NSMCE1: variants seen among roughly 807,000 people sequenced by gnomAD.
NSMCE1 encodes NSE1 component of SMC5/6 complex.
NSMCE1 carries 18 observed loss-of-function variants against 29.6 expected under a neutral mutation model. The observed-to-expected ratio is 0.61, with a 90% CI of 0.42 to 0.90. NSMCE1 has a LOEUF of 0.90. Ranked by LOEUF, NSMCE1 falls within the 40% of genes least tolerant of loss-of-function variation. The pLI, the probability that NSMCE1 is intolerant of heterozygous loss-of-function variation, is 0.00. For missense variants in NSMCE1, 314 were observed against 343.6 expected, an observed-to-expected ratio of 0.91 and a Z score of 0.68; for synonymous variants, 124 against 133.4, an observed-to-expected ratio of 0.93 and a Z score of 0.49.
In NSMCE1 at chr16:27,226,855, G is replaced by A; in HGVS notation, c.484-19C>T. On this transcript the variant is annotated intron_variant, in intron 5 of 7. Transcript: ENST00000361439. ...CTTCCTTCTGCAGGGACACACAGGA[G>A]GTGGCCACCCTCAGCCAGGCCCTCT... 1 of 1,525,342 alleles carries A rather than the reference G, an allele frequency of 6.6e-7. No individual in the cohort carries two copies. The highest frequency in any genetic ancestry group is 9.1e-7 in the Non-Finnish European group (1 of 1,100,022). The allele number at this position is 1,525,342 out of a possible 1,614,324, so 94.5% of individuals were successfully genotyped here. A position where few individuals can be genotyped will look rare whatever the true frequency, so the allele number is the denominator to read the frequency against.
At chr16:27,229,382 A>T (rs1160106031) in intron 5 of NSMCE1, among the ~76,000 whole-genome samples, 2 of 152,186 alleles carry the variant, frequency 1.3e-5, no homozygotes. Flanking sequence ...CCTCCAGACC[A>T]TGGCCCCATG....
At chr16:27,230,196 C>T (rs2083748273) in intron 5 of NSMCE1, among the ~76,000 whole-genome samples, 2 of 152,220 alleles carry the variant, frequency 1.3e-5, no homozygotes, top group African/African-American at 2.4e-5. Context: ...TTCTCCTGGA[C>T]GGACAGCTGC....
In NSMCE1 at chr16:27,232,173, A is replaced by G. The variant is rs2083769375; in HGVS notation, c.483+828T>C. Among the ~76,000 whole-genome samples, 2 of 152,196 alleles carry G rather than the reference A, an allele frequency of 1.3e-5. No individual in the cohort carries two copies. The highest frequency in any genetic ancestry group is 2.9e-5 in the Non-Finnish European group (2 of 68,028). On this transcript the variant is annotated intron_variant, in intron 5 of 7. Transcript: ENST00000361439. This position sits in a 1 kb window ranked among gnomAD's most constrained non-coding sequence, Gnocchi z 4.5. ...GCAGCAGCCTCTGGCCACGAGTCCG[A>G]CCACCAAGTGAGGAAGCGGGGACCC...
intron 2 of NSMCE1, among the ~76,000 whole-genome samples, chr16:27,244,302 G>T (rs78629678): frequency 0.03 from 4,520 of 152,312 alleles, 99 homozygotes; most frequent in Non-Finnish European, 0.044. Flanking sequence ...GTATGAAGGC[G>T]GCTGACTGCA....
At chr16:27,251,159 A>ATATATATATAT (rs2084024162) in intron 2 of NSMCE1, among the ~76,000 whole-genome samples, 1 of 65,780 alleles carries the variant, frequency 1.5e-5, no homozygotes, top group South Asian at 5.2e-4. Context: ...AATTATTTAA[A>ATATATATATAT]ATATATATAT....
At chr16:27,233,276 G>A (rs1208055530) in intron 4 of NSMCE1, 129 bp from the exon 5 acceptor site, 2 of 717,062 alleles carry the variant, frequency 2.8e-6, no homozygotes, top group East Asian at 5.4e-5. Flanking sequence ...CACTGGCATG[G>A]TATTCCGGGA....
At chr16:27,267,762 CTT>C in intron 1 of NSMCE1, among the ~76,000 whole-genome samples, 1 of 150,448 alleles carries the variant, frequency 6.6e-6, no homozygotes, top group Admixed American at 6.6e-5. Flanking sequence ...GAGTTTCGCT[CTT>C]GTTGCCCAAG....
chr16:27,227,623 C>T (rs935954127), intron 5 of NSMCE1, among the ~76,000 whole-genome samples: 1 of 152,216 alleles, frequency 6.6e-6, no homozygotes, highest in Non-Finnish European at 1.5e-5. Flanking sequence ...CAGGCTGATT[C>T]CAGTTTCTCC....
chr16:27,267,809 A>G (rs1475959823), intron 1 of NSMCE1, among the ~76,000 whole-genome samples: 1 of 151,498 alleles, frequency 6.6e-6, no homozygotes, highest in Non-Finnish European at 1.5e-5. Context: ...ATTCACTGCA[A>G]CCTCCGCCTC....
At chr16:27,245,703 G>A (rs1009020053) in intron 2 of NSMCE1, among the ~76,000 whole-genome samples, 4 of 152,140 alleles carry the variant, frequency 2.6e-5, no homozygotes, top group East Asian at 1.9e-4. Context: ...GAAATTCATC[G>A]AGTCACACGT....
In NSMCE1 at chr16:27,232,879, A is replaced by G; in HGVS notation, c.483+122T>C. ...GGTCACTGCTGGAATGCATGAAAGC[A>G]GATAAGGGATCCGAGAAGGCCGGGC... On this transcript the variant is annotated intron_variant, in intron 5 of 7. Coordinates refer to ENST00000361439, the MANE Select transcript of NSMCE1 (RefSeq NM_145080.4). The surrounding 1 kb of genome is among the most constrained non-coding windows in gnomAD (Gnocchi z 4.5). 1.0e-6 allele frequency: 1 copy of G among 985,074 alleles called. No homozygotes were observed. The highest frequency in any genetic ancestry group is 1.5e-6 in the Non-Finnish European group (1 of 656,386). The allele number at this position is 985,074 out of a possible 1,614,324, so 61.0% of individuals were successfully genotyped here.
At chr16:27,231,393 T>G (rs889270079) in intron 5 of NSMCE1, among the ~76,000 whole-genome samples, 39 of 152,064 alleles carry the variant, frequency 2.6e-4, no homozygotes, top group Non-Finnish European at 5.1e-4. Flanking sequence ...TCCCAGCACT[T>G]TGGGAGGCTG....
chr16:27,256,216 T>C (rs1484349078), intron 2 of NSMCE1, among the ~76,000 whole-genome samples: 2 of 152,164 alleles, frequency 1.3e-5, no homozygotes, highest in African/African-American at 2.4e-5. Context: ...AAAGGCAGAA[T>C]AAGGCAGAAT....
At position 27,235,168 on chromosome 16, in the gene NSMCE1, G is replaced by A. The variant is rs147449131; in HGVS notation, c.258+10C>T. ...AAAAATGCCACTAGAGGGCTCTGCC[G>A]GGCACTCACCAACGCATAAATGGGT... On this transcript the variant is annotated intron_variant, in intron 3 of 7. Coordinates refer to ENST00000361439, the MANE Select transcript of NSMCE1 (RefSeq NM_145080.4). 1,831 of 1,612,924 alleles carry A rather than the reference G, an allele frequency of 1.1e-3. 2 individuals are homozygous for A. The highest frequency in any genetic ancestry group is 2.1e-3 in the Middle Eastern group (13 of 6,054).
chr16:27,233,680 C>T (rs898666104), intron 4 of NSMCE1, among the ~76,000 whole-genome samples: 4 of 152,276 alleles, frequency 2.6e-5, no homozygotes, highest in Admixed American at 2.0e-4. Context: ...CTGAGAACCA[C>T]TCTTAGCCAT....
chr16:27,260,516 A>G (rs1227974254), intron 1 of NSMCE1, among the ~76,000 whole-genome samples: 1 of 152,246 alleles, frequency 6.6e-6, no homozygotes, highest in Admixed American at 6.5e-5. Flanking sequence ...ATAACAATGA[A>G]TAAAAATAGA....
chr16:27,267,704 G>A (rs977014723), intron 1 of NSMCE1, among the ~76,000 whole-genome samples: 3 of 151,202 alleles, frequency 2.0e-5, no homozygotes, highest in African/African-American at 7.3e-5. Flanking sequence ...GCTATTTATG[G>A]TTATTTATCC....
intron 2 of NSMCE1, among the ~76,000 whole-genome samples, chr16:27,251,670 G>A (rs552173088): frequency 6.6e-6 from 1 of 152,330 alleles, no homozygotes; most frequent in South Asian, 2.1e-4. Context: ...TTACAGAAGA[G>A]TTTGGGTAGA....
In NSMCE1 at chr16:27,257,455, T is replaced by A; in HGVS notation, c.116A>T (p.His39Leu). The A allele has an allele frequency of 1.2e-6, 2 of 1,613,238 alleles. 1 individual carries two copies. The highest frequency in any genetic ancestry group is 2.2e-5 in the South Asian group (2 of 90,964). ...CTCACGGTCATGGACCTTGTAGCAG[T>A]GCGTCTGCAAGCGCTTCACGTCCCA... is the stretch of plus-strand genomic sequence containing the variant. ...EEWDVKRLQT[H>L]CYKVHDRNAT... is the part of the protein sequence containing the mutation. The change falls in exon 2 of 8, where the codon CAC becomes CTC. Residue 39 changes from histidine (H) to leucine (L), a missense_variant. Physicochemically the swap from His to Leu is moderately conservative, Grantham distance 99 (BLOSUM62 -3). Transcript: ENST00000361439.
Sources: gnomAD v4.1 joint callset for allele counts (sites outside exome capture counted in the v4.1 genomes callset) on GRCh38, gnomAD v4.1.1 for gene constraint, Gnocchi (gnomAD v3.1) non-coding constraint, MANE v1.5 for transcripts, NCBI Gene and HGNC (gene_info 2026-07-23, HGNC 2026-07-21) for gene names.